The following TRAK1 variants were observed in gnomAD, a reference collection of about 807,000 sequenced individuals.
TRAK1 encodes the protein trafficking kinesin-binding protein 1.
Under a neutral mutation model 92.1 loss-of-function variants are expected in TRAK1, and 33 were observed. The observed-to-expected ratio is 0.36, with a 90% CI of 0.27 to 0.48. The LOEUF (loss-of-function observed/expected upper bound fraction) is 0.48. Ranked by LOEUF, TRAK1 falls within the 20% of genes least tolerant of loss-of-function variation. The pLI is 0.99. For missense variants in TRAK1, 1,123 were observed against 1,257.9 expected (o/e 0.89, Z 1.62); for synonymous variants, 521 against 517.3 (o/e 1.01, Z -0.10).
At chr3:42,066,936 C>T (rs1703708040) in intron 1 of TRAK1, among the ~76,000 whole-genome samples, 1 of 152,152 alleles carries the variant, frequency 6.6e-6, no homozygotes, top group African/African-American at 2.4e-5. Context: ...CTCACTGTTT[C>T]CTGGGGGATT....
chr3:42,125,194 TA>T (rs35828517), intron 1 of TRAK1, among the ~76,000 whole-genome samples: 11,931 of 152,230 alleles, frequency 0.078, 510 homozygotes, highest in Middle Eastern at 0.15. Flanking sequence ...TAGTGGACAC[TA>T]AACAGCAGGA....
intron 1 of TRAK1, among the ~76,000 whole-genome samples, chr3:42,066,259 A>G (rs955352432): frequency 6.6e-6 from 1 of 152,140 alleles, no homozygotes; most frequent in Non-Finnish European, 1.5e-5. Flanking sequence ...CTCGGAGGCA[A>G]AGGTTACAGT....
intron 3 of TRAK1, among the ~76,000 whole-genome samples, chr3:42,182,578 A>G (rs1576845821): frequency 2.6e-5 from 4 of 152,106 alleles, no homozygotes; most frequent in Non-Finnish European, 5.9e-5. Flanking sequence ...TGCCTGGCCT[A>G]TTTACAGCTC....
chr3:42,048,729 A>G (rs957732925), intron 1 of TRAK1, among the ~76,000 whole-genome samples: 1 of 151,320 alleles, frequency 6.6e-6, no homozygotes, highest in Non-Finnish European at 1.5e-5. Context: ...ACCCCACAAC[A>G]ATTTTTGTAT....
In TRAK1 at chr3:42,091,518, C is replaced by A; in HGVS notation, c.49C>A (p.Pro17Thr). The stretch of plus-strand genomic sequence containing the variant: ...GCAGCCCGTCAGGGCTCAGCCTCTG[C>A]CAGGACTCTGCCACGGCAAGCTCAT... ...FGQPVRAQPL[P>T]GLCHGKLIRT... is the part of the protein sequence containing the mutation. Residue 17 changes from proline to threonine, a missense_variant, in exon 1 of 16, where the codon CCA (proline) becomes ACA (threonine). Physicochemically the swap from Pro to Thr is conservative, Grantham distance 38. This residue lies in a region of TRAK1 where 686 missense variants were observed against 747.6 expected (regional missense o/e 0.92). Coordinates refer to ENST00000327628, the MANE Select transcript of TRAK1 (RefSeq NM_001042646.3). 2 of 1,613,480 alleles carry A rather than the reference C, an allele frequency of 1.2e-6. No homozygotes were observed. Among genetic ancestry groups the A allele is most frequent in the Non-Finnish European group, 1.7e-6 (2 of 1,179,848 alleles).
chr3:42,043,788 A>G (rs966612458), intron 1 of TRAK1, among the ~76,000 whole-genome samples: 6 of 138,308 alleles, frequency 4.3e-5, no homozygotes, highest in South Asian at 2.6e-4. Flanking sequence ...CGCCACCCCA[A>G]CTCCCCAGAG....
rs9682773 is a variant in TRAK1 at position 42,184,919 on chromosome 3, G to A, written c.480+118G>A. 1,309 of 977,812 alleles carry A rather than the reference G, an allele frequency of 1.3e-3. 16 individuals carry two copies. In the African/African-American group the frequency reaches 0.019, roughly 14 times the overall value. The allele number at this position is 977,812 out of a possible 1,614,324, so 60.6% of individuals were successfully genotyped here. Reference sequence around the variant, plus strand: ...GTTGGAAGGACGCTCCCGAGGGCACGACCGCGGCCTGAGCCCAGAACTGTC... The same window carrying A: ...GTTGGAAGGACGCTCCCGAGGGCACAACCGCGGCCTGAGCCCAGAACTGTC... On this transcript the variant is annotated intron_variant, in intron 4 of 15. Transcript: ENST00000327628.
At chr3:42,130,523 T>A (rs1157813643) in intron 2 of TRAK1, among the ~76,000 whole-genome samples, 1 of 152,218 alleles carries the variant, frequency 6.6e-6, no homozygotes, top group Non-Finnish European at 1.5e-5. Flanking sequence ...TTACCTCTGA[T>A]CCTTTGAGGA....
chr3:42,217,211 G>A, intron 14 of TRAK1: 1 of 983,786 alleles, frequency 1.0e-6, no homozygotes, highest in Non-Finnish European at 1.2e-6. Flanking sequence ...CCCAGTCTTG[G>A]GTGACTCACT....
intron 6 of TRAK1, among the ~76,000 whole-genome samples, chr3:42,190,647 C>A (rs1705578860): frequency 6.6e-6 from 1 of 152,188 alleles, no homozygotes; most frequent in Non-Finnish European, 1.5e-5. Flanking sequence ...ATTCCTGCTA[C>A]CCCACATCCA....
At chr3:42,032,544 T>A (rs1262308176) in intron 1 of TRAK1, among the ~76,000 whole-genome samples, 2 of 152,072 alleles carry the variant, frequency 1.3e-5, no homozygotes, top group Non-Finnish European at 2.9e-5. Flanking sequence ...CTCTATGTCT[T>A]ATTGATATCC....
intron 1 of TRAK1, among the ~76,000 whole-genome samples, chr3:42,036,426 A>C (rs1702328405): frequency 6.6e-6 from 1 of 152,154 alleles, no homozygotes; most frequent in Non-Finnish European, 1.5e-5. Flanking sequence ...TGTTCCTCTT[A>C]CAGCTCTTAG....
rs1703960650 is a variant in TRAK1 at position 42,072,186 on chromosome 3, G to A, written c.-518-14918G>A. ...GCAAGCCCGTTGGCCTGGTTTGCTG[G>A]AGAAGCCCCTTTGCAGAGCAATGTC... On this transcript the variant is annotated intron_variant, in intron 1 of 16. Transcript: ENST00000487159. Among the ~76,000 whole-genome samples the A allele has an allele frequency of 2.0e-5, 3 of 152,028 alleles. No individual in the cohort carries two copies. In the South Asian group the frequency reaches 6.2e-4, roughly 32 times the overall value.
intron 1 of TRAK1, among the ~76,000 whole-genome samples, chr3:42,063,702 AGT>A (rs1241677434): frequency 6.6e-6 from 1 of 150,986 alleles, no homozygotes; most frequent in East Asian, 2.0e-4. Flanking sequence ...AAAAAAAAAA[AGT>A]GGTGGGAGCC....
chr3:42,053,750 C>A (rs933702526), intron 1 of TRAK1, among the ~76,000 whole-genome samples: 1 of 152,056 alleles, frequency 6.6e-6, no homozygotes, highest in African/African-American at 2.4e-5. Flanking sequence ...TCCATCATAC[C>A]GCCTTTCCCC....
intron 14 of TRAK1, among the ~76,000 whole-genome samples, chr3:42,215,810 T>C (rs1166906589): frequency 3.3e-5 from 5 of 152,182 alleles, no homozygotes; most frequent in Admixed American, 3.3e-4. Flanking sequence ...GGCCAGTGTT[T>C]CTCCGTTCTC....
rs1026939112 is a variant in TRAK1 at position 42,219,796 on chromosome 3, T to G, written c.2066+200T>G. ...TTGTTGTTGTTATGTGTTTTTTTTT[T>G]TTTTTTTTTTTTTTTTTGAGGCAGA... On this transcript the variant is annotated intron_variant, in intron 15 of 15. Coordinates refer to ENST00000327628, the MANE Select transcript of TRAK1 (RefSeq NM_001042646.3). Among the ~76,000 whole-genome samples the G allele has an allele frequency of 1.5e-4, 21 of 141,438 alleles. No individual in the cohort carries two copies. In the East Asian group the frequency reaches 3.1e-3, roughly 21 times the overall value. 92.8% of individuals were successfully genotyped at this position (141,438 alleles called of 152,430 possible).
chr3:42,132,309 G>A (rs1470746123), intron 2 of TRAK1, among the ~76,000 whole-genome samples: 2 of 150,126 alleles, frequency 1.3e-5, no homozygotes, highest in Non-Finnish European at 3.0e-5. Flanking sequence ...ACCCGGGATG[G>A]AGTGAGTGCC....
rs558278961 is a variant in TRAK1 at position 42,153,762 on chromosome 3, C to T, written c.287-23052C>T. 1.8e-4 allele frequency among the ~76,000 whole-genome samples: 27 copies of T among 152,038 alleles called. No homozygotes were observed. The South Asian group carries it at 1.9e-3, about 11-fold the overall frequency. On this transcript the variant is annotated intron_variant, in intron 2 of 15. Transcript: ENST00000327628. The stretch of plus-strand genomic sequence containing the variant: ...CGTGAGTGTTTTTTTTCTTTTTGTG[C>T]GTGAGTGAAGTTTTGTTAGAGGTAT...
Sources: gnomAD v4.1 joint callset for allele counts (sites outside exome capture counted in the v4.1 genomes callset) on GRCh38, gnomAD v4.1.1 for gene constraint, gnomAD v4.1.1 regional missense constraint, MANE v1.5 for transcripts, NCBI Gene and HGNC (gene_info 2026-07-23, HGNC 2026-07-21) for gene names.